The following ZNF609 variants were observed in gnomAD, a reference collection of about 807,000 sequenced individuals.
The protein encoded by ZNF609 is zinc finger protein 609.
Under a neutral mutation model 109.5 loss-of-function variants are expected in ZNF609, and 11 were observed. The ratio of observed to expected loss-of-function variants is 0.10; its 90% CI spans 0.06 to 0.17. The LOEUF is 0.17. Ranked by LOEUF, ZNF609 falls within the 10% of genes least tolerant of loss-of-function variation. ZNF609 has a pLI of 1.00. For synonymous variants in ZNF609, 646 were observed against 662.0 expected (o/e 0.98, Z 0.37); for missense variants, 1,559 against 1,772.4 (o/e 0.88, Z 2.16).
chr15:64,552,465 A>G (rs901585891), intron 2 of ZNF609, among the ~76,000 whole-genome samples: 1 of 152,002 alleles, frequency 6.6e-6, no homozygotes, highest in African/African-American at 2.4e-5. Flanking sequence ...TCCGCTTCTC[A>G]GGTTCAAGCA....
At chr15:64,666,349 G>C (rs1319695479) in intron 3 of ZNF609, among the ~76,000 whole-genome samples, 1 of 152,018 alleles carries the variant, frequency 6.6e-6, no homozygotes. Context: ...AGCCAAGATT[G>C]CACTACTGCA....
At chr15:64,500,402 C>T (rs370957726) in intron 2 of ZNF609, 4 of 735,734 alleles carry the variant, frequency 5.4e-6, no homozygotes, top group Non-Finnish European at 2.4e-6. Context: ...TTGTTGGGGG[C>T]AGCTACTTTG....
intron 4 of ZNF609, 152 bp downstream of exon 4, chr15:64,670,585 A>G (rs1224094523): frequency 2.8e-6 from 2 of 711,262 alleles, no homozygotes; most frequent in East Asian, 2.8e-5. Context: ...CTGACATTCA[A>G]GAAGACTGAA....
chr15:64,574,944 G>A (rs1894925071), intron 2 of ZNF609, among the ~76,000 whole-genome samples: 1 of 152,192 alleles, frequency 6.6e-6, no homozygotes, highest in Admixed American at 6.5e-5. Flanking sequence ...AGCTTGCAGA[G>A]TTGGACTCCT....
intron 2 of ZNF609, among the ~76,000 whole-genome samples, chr15:64,603,053 A>G (rs1895530523): frequency 6.6e-6 from 1 of 151,328 alleles, no homozygotes; most frequent in South Asian, 2.1e-4. Context: ...CACTGCCCTG[A>G]CTTTTCTTCT....
intron 1 of ZNF609, among the ~76,000 whole-genome samples, chr15:64,475,072 C>G (rs1893147877): frequency 6.8e-6 from 1 of 147,538 alleles, no homozygotes; most frequent in African/African-American, 2.5e-5. Context: ...AGATTACAGG[C>G]CTGTGCTAGC....
intron 1 of ZNF609, among the ~76,000 whole-genome samples, chr15:64,464,046 G>A (rs994035998): frequency 2.6e-5 from 4 of 151,966 alleles, no homozygotes; most frequent in East Asian, 1.9e-4. Context: ...CCAACTACCC[G>A]TCCCAGCTTC....
intron 2 of ZNF609, among the ~76,000 whole-genome samples, chr15:64,505,605 TC>T (rs1264887937): frequency 6.6e-6 from 1 of 152,128 alleles, no homozygotes; most frequent in East Asian, 1.9e-4. Context: ...TAAAAGTGTG[TC>T]CCATAAAACC....
chr15:64,672,615 A>G (rs1896749725), intron 4 of ZNF609, among the ~76,000 whole-genome samples: 1 of 132,952 alleles, frequency 7.5e-6, no homozygotes. Flanking sequence ...ACAGAGCAAC[A>G]CTCCATCTCA....
chr15:64,492,170 G>T (rs186262119), intron 1 of ZNF609, among the ~76,000 whole-genome samples: 2 of 152,196 alleles, frequency 1.3e-5, no homozygotes, highest in East Asian at 3.9e-4. Context: ...TTGAAGCCAG[G>T]AGGTGGAGGT....
At chr15:64,613,395 C>G (rs1033979185) in intron 2 of ZNF609, among the ~76,000 whole-genome samples, 4 of 152,140 alleles carry the variant, frequency 2.6e-5, no homozygotes, top group African/African-American at 9.7e-5. Flanking sequence ...GGGATTTACT[C>G]AGGGTATTCT....
intron 3 of ZNF609, among the ~76,000 whole-genome samples, chr15:64,638,967 A>T (rs1453226396): frequency 2.0e-5 from 3 of 152,116 alleles, no homozygotes. Flanking sequence ...CATGTTCAAG[A>T]TGGAGCTTGG....
chr15:64,635,490 G>T (rs1048261307), intron 3 of ZNF609, among the ~76,000 whole-genome samples: 2 of 152,142 alleles, frequency 1.3e-5, no homozygotes, highest in Admixed American at 6.5e-5. Flanking sequence ...AAATGAGGAG[G>T]TTGGACTACA....
rs750386281 is a variant in ZNF609, at chr15:64,680,662, C to G, written c.3962C>G (p.Ser1321Cys). The G allele has an allele frequency of 1.3e-6, 2 of 1,598,304 alleles. No individual in the cohort carries two copies. Among genetic ancestry groups the G allele is most frequent in the African/African-American group, 1.3e-5 (1 of 74,582 alleles). ...CCTTTCCAGATAAGTGATAAAACTT[C>G]TCAGGAGAGAGATCGAGGAGGCTGT... Reference protein sequence around the residue: ...SKSPTISDKTSQERDRGGCGV... With the variant: ...SKSPTISDKTCQERDRGGCGV... The change falls in exon 8 of 10, where the codon TCT (serine) becomes TGT (cysteine). Residue 1321 changes from serine (S) to cysteine (C), a missense_variant. Around this residue, in one of 4 missense-constraint regions of ZNF609, gnomAD observed 1,204 missense variants for 1,314.1 expected, o/e 0.92. Transcript: ENST00000326648.
At chr15:64,637,969 CTA>C (rs1472827813) in intron 3 of ZNF609, among the ~76,000 whole-genome samples, 6 of 133,962 alleles carry the variant, frequency 4.5e-5, no homozygotes, top group African/African-American at 1.6e-4. Context: ...ATATATTCTT[CTA>C]TGTTTTTTCT....
intron 1 of ZNF609, among the ~76,000 whole-genome samples, chr15:64,481,393 T>A (rs1355343916): frequency 6.7e-6 from 1 of 149,016 alleles, no homozygotes; most frequent in Non-Finnish European, 1.5e-5. Flanking sequence ...CGATCTCGGC[T>A]CACCGCAACC....
intron 2 of ZNF609, among the ~76,000 whole-genome samples, chr15:64,584,794 A>G (rs1203059178): frequency 2.0e-5 from 3 of 150,866 alleles, no homozygotes; most frequent in African/African-American, 4.9e-5. Context: ...ACACCCAGCT[A>G]ATTTTTGTAT....
Position 64,674,342 on chromosome 15 carries a change from C to T in ZNF609, c.1488C>T (p.Asp496=). ...ACTGCCCCTCCCCCGTCCTAATTGA[C>T]TGTCCCCACCCAAACTGCAACAAGA... is the stretch of plus-strand genomic sequence containing the variant. ...DRNCPSPVLI[D]CPHPNCNKKY... The change falls in exon 5 of 10, where the codon GAC becomes GAT. Residue 496 remains aspartate, a synonymous_variant. Transcript: ENST00000326648. 2 of 1,614,146 alleles carry T rather than the reference C, an allele frequency of 1.2e-6. No individual in the cohort carries two copies. The highest frequency in any genetic ancestry group is 1.7e-6 in the Non-Finnish European group (2 of 1,180,026).
intron 2 of ZNF609, among the ~76,000 whole-genome samples, chr15:64,563,457 A>T (rs1414419597): frequency 6.6e-6 from 1 of 152,024 alleles, no homozygotes; most frequent in Admixed American, 6.6e-5. Flanking sequence ...CCTCAAAAAA[A>T]AAAAAATAAT....
Sources: gnomAD v4.1 joint callset for allele counts (sites outside exome capture counted in the v4.1 genomes callset) on GRCh38, gnomAD v4.1.1 for gene constraint, gnomAD v4.1.1 regional missense constraint, MANE v1.5 for transcripts, NCBI Gene and HGNC (gene_info 2026-07-23, HGNC 2026-07-21) for gene names.